SMYD3: variants seen among roughly 807,000 people sequenced by gnomAD.
SMYD3 encodes histone-lysine N-methyltransferase SMYD3.
SMYD3 carries 36 observed loss-of-function variants against 57.7 expected under a neutral mutation model. That is an observed-to-expected ratio of 0.62 (90% CI 0.48 to 0.82). SMYD3 has a LOEUF of 0.82. Among genes scored for constraint, SMYD3 ranks in the 40% least tolerant of loss-of-function variants. The probability of loss-of-function intolerance (pLI) is 0.00; values close to 1 mark genes in which losing one functional copy is unlikely to be tolerated. For missense variants in SMYD3, 515 were observed against 538.8 expected, an observed-to-expected ratio of 0.96 and a Z score of 0.44; for synonymous variants, 211 against 195.0, an observed-to-expected ratio of 1.08 and a Z score of -0.68.
intron 2 of SMYD3, among the ~76,000 whole-genome samples, chr1:246,336,529 T>C (rs1169092823): frequency 1.3e-5 from 2 of 152,166 alleles, no homozygotes; most frequent in Non-Finnish European, 2.9e-5. Context: ...CTGAGCTGAT[T>C]CAAAGTAAAG....
chr1:246,217,433 C>T (rs147836197), intron 5 of SMYD3, among the ~76,000 whole-genome samples: 1,701 of 152,106 alleles, frequency 0.011, 23 homozygotes, highest in Middle Eastern at 0.031. Flanking sequence ...CGCTCGAGCC[C>T]GGGAGGCAGA....
intron 5 of SMYD3, among the ~76,000 whole-genome samples, chr1:245,980,441 GT>G (rs1268399323): frequency 6.6e-6 from 1 of 152,230 alleles, no homozygotes. Context: ...GGGCAACGAA[GT>G]CATTGTGTTG....
intron 5 of SMYD3, among the ~76,000 whole-genome samples, chr1:246,068,138 A>G (rs1181420493): frequency 6.6e-6 from 1 of 152,180 alleles, no homozygotes; most frequent in African/African-American, 2.4e-5. Flanking sequence ...ATCTGGAGGT[A>G]TGTTTGGAGG....
intron 5 of SMYD3, among the ~76,000 whole-genome samples, chr1:246,069,074 C>T (rs1487236458): frequency 6.6e-6 from 1 of 152,152 alleles, no homozygotes; most frequent in Non-Finnish European, 1.5e-5. Context: ...CTACATAGAA[C>T]ATCATTTAGA....
chr1:245,806,821 A>G (rs1475914900), intron 10 of SMYD3, among the ~76,000 whole-genome samples: 2 of 147,020 alleles, frequency 1.4e-5, no homozygotes, highest in Admixed American at 6.9e-5. Flanking sequence ...GAGGCAGGAG[A>G]ATGGCGTGAA....
intron 1 of SMYD3, among the ~76,000 whole-genome samples, chr1:246,375,621 A>G (rs1025323067): frequency 6.6e-6 from 1 of 152,186 alleles, no homozygotes; most frequent in Non-Finnish European, 1.5e-5. Flanking sequence ...CTTATTTTCT[A>G]GTCAAATAGA....
chr1:246,242,068 T>G (rs1352896564), intron 5 of SMYD3, among the ~76,000 whole-genome samples: 2 of 138,664 alleles, frequency 1.4e-5, no homozygotes, highest in Non-Finnish European at 3.1e-5. Flanking sequence ...TTTTGAAGGG[T>G]TTTTTTTGTG....
intron 1 of SMYD3, among the ~76,000 whole-genome samples, chr1:246,404,050 G>T (rs968753024): frequency 6.6e-6 from 1 of 152,076 alleles, no homozygotes; most frequent in South Asian, 2.1e-4. Flanking sequence ...CTCTAAGGCC[G>T]CTAACCTTTA....
At chr1:246,329,508 C>T (rs1169202747) in intron 4 of SMYD3, among the ~76,000 whole-genome samples, 1 of 152,128 alleles carries the variant, frequency 6.6e-6, no homozygotes, top group Non-Finnish European at 1.5e-5. Flanking sequence ...AGTGTCTGTT[C>T]ATGTCCTTCG....
At chr1:245,852,897 T>G (rs1477813714) in intron 10 of SMYD3, among the ~76,000 whole-genome samples, 2 of 152,286 alleles carry the variant, frequency 1.3e-5, no homozygotes, top group South Asian at 4.1e-4. Flanking sequence ...AAAGAGGCCC[T>G]GATTAGGCAT....
At chr1:246,229,473 G>A (rs2063379934) in intron 5 of SMYD3, among the ~76,000 whole-genome samples, 1 of 152,018 alleles carries the variant, frequency 6.6e-6, no homozygotes, top group African/African-American at 2.4e-5. Flanking sequence ...TTTATAGAAG[G>A]ATAAAGTTTA....
At chr1:245,858,783 GTTAT>G in intron 9 of SMYD3, 113 bp from the exon 10 acceptor site, 1 of 1,090,344 alleles carries the variant, frequency 9.2e-7, no homozygotes, top group Non-Finnish European at 1.3e-6. Flanking sequence ...GGAAGCACCC[GTTAT>G]TTTTCACAGA....
intron 5 of SMYD3, among the ~76,000 whole-genome samples, chr1:245,979,121 T>A (rs2058529406): frequency 6.6e-6 from 1 of 152,140 alleles, no homozygotes; most frequent in African/African-American, 2.4e-5. Flanking sequence ...AGATAGGAGA[T>A]GAGTCATTTA....
intron 5 of SMYD3, among the ~76,000 whole-genome samples, chr1:246,107,282 A>G (rs2061147941): frequency 6.6e-6 from 1 of 151,880 alleles, no homozygotes; most frequent in African/African-American, 2.4e-5. Context: ...GCAAGATTCC[A>G]TCGCAAAAAA....
chr1:246,374,693 C>T (rs1485429975), intron 1 of SMYD3, among the ~76,000 whole-genome samples: 2 of 152,132 alleles, frequency 1.3e-5, no homozygotes, highest in African/African-American at 2.4e-5. Context: ...ATAAGGTGGC[C>T]GGGCATAGTG....
chr1:246,361,863 G>A (rs1014486267), intron 1 of SMYD3, among the ~76,000 whole-genome samples: 1 of 152,014 alleles, frequency 6.6e-6, no homozygotes, highest in East Asian at 1.9e-4. Context: ...TCAGGAGATG[G>A]ATACACCAAA....
chr1:246,501,617 G>A (rs1265981171), intron 1 of SMYD3, among the ~76,000 whole-genome samples: 1 of 152,084 alleles, frequency 6.6e-6, no homozygotes, highest in African/African-American at 2.4e-5. Flanking sequence ...TTCCCTACCT[G>A]AGAAACCATG....
chr1:246,379,463 A>G (rs1318542965), intron 1 of SMYD3, among the ~76,000 whole-genome samples: 2 of 152,178 alleles, frequency 1.3e-5, no homozygotes, highest in Admixed American at 1.3e-4. Context: ...CTAGAAAATC[A>G]GAATTTTATA....
intron 3 of SMYD3, among the ~76,000 whole-genome samples, chr1:246,332,068 A>G (rs1330774279): frequency 3.3e-5 from 5 of 152,228 alleles, no homozygotes; most frequent in Admixed American, 3.3e-4. Context: ...GCCAATTAAT[A>G]ACTTTACAAT....
Sources: allele counts gnomAD v4.1 joint callset (sites outside exome capture counted in the v4.1 genomes callset), GRCh38; gene constraint gnomAD v4.1.1; transcripts MANE v1.5; gene names NCBI Gene and HGNC (gene_info 2026-07-23, HGNC 2026-07-21).